CALN1: variants seen among roughly 807,000 people sequenced by gnomAD.
The protein encoded by CALN1 is calcium-binding protein 8.
CALN1 carries 17 observed loss-of-function variants against 30.6 expected under a neutral mutation model. The ratio of observed to expected loss-of-function variants is 0.56; its 90% CI spans 0.38 to 0.83. CALN1 has a LOEUF of 0.83. CALN1 is among the 40% of genes least tolerant of loss of function. The pLI is 0.00. For synonymous variants in CALN1, 156 were observed against 131.4 expected (o/e 1.19, Z -1.28); for missense variants, 291 against 354.9 (o/e 0.82, Z 1.45).
rs150857375 is a variant in CALN1, at chr7:72,338,396, A to G, written c.120-59586T>C. On this transcript the variant is annotated intron_variant, in intron 2 of 6. Transcript: ENST00000395275. ...GCTGCTCTAAGCCTCTCATGCAAACAACTCAGCAATCACCTCTCCACTGTT... is the reference window on the plus strand; with the variant it reads ...GCTGCTCTAAGCCTCTCATGCAAACGACTCAGCAATCACCTCTCCACTGTT... Among the ~76,000 whole-genome samples the G allele has an allele frequency of 2.0e-3, 307 of 152,042 alleles. 1 individual carries two copies. The highest frequency in any genetic ancestry group is 6.6e-3 in the African/African-American group (273 of 41,464).
At chr7:71,921,126 C>T (rs1794923701) in intron 5 of CALN1, among the ~76,000 whole-genome samples, 1 of 152,168 alleles carries the variant, frequency 6.6e-6, no homozygotes, top group African/African-American at 2.4e-5. Context: ...ACACCACATA[C>T]TCTCACTCAT....
intron 2 of CALN1, among the ~76,000 whole-genome samples, chr7:72,399,608 T>C (rs888054213): frequency 1.3e-5 from 2 of 152,148 alleles, no homozygotes; most frequent in Admixed American, 6.5e-5. Flanking sequence ...AGTTCACTAA[T>C]TTGAGTCTTG....
chr7:72,430,779 C>G (rs1033678913), intron 1 of CALN1, among the ~76,000 whole-genome samples: 2 of 152,098 alleles, frequency 1.3e-5, no homozygotes, highest in Admixed American at 6.6e-5. Flanking sequence ...CACCTGTTCC[C>G]TGTTCCTAAG....
At chr7:72,121,641 C>T (rs868465513) in intron 3 of CALN1, among the ~76,000 whole-genome samples, 18 of 148,582 alleles carry the variant, frequency 1.2e-4, no homozygotes, top group African/African-American at 3.7e-4. Context: ...TCTTGTGATT[C>T]GCTTAGGATT....
intron 5 of CALN1, among the ~76,000 whole-genome samples, chr7:71,927,719 A>T (rs889931353): frequency 2.6e-5 from 4 of 152,040 alleles, no homozygotes; most frequent in Non-Finnish European, 5.9e-5. Context: ...TGTATAGGAG[A>T]AGACAGGTCT....
chr7:71,944,510 C>T (rs1228508418), intron 5 of CALN1, among the ~76,000 whole-genome samples: 1 of 137,292 alleles, frequency 7.3e-6, no homozygotes, highest in Non-Finnish European at 1.5e-5. Context: ...AGGAGAATCG[C>T]TTGAACCTGG....
chr7:72,056,095 TAAAAG>T (rs1287799856), intron 4 of CALN1, among the ~76,000 whole-genome samples: 2 of 152,144 alleles, frequency 1.3e-5, no homozygotes, highest in Non-Finnish European at 2.9e-5. Flanking sequence ...TTAAAGCCTT[TAAAAG>T]AAAACATAAA....
intron 3 of CALN1, among the ~76,000 whole-genome samples, chr7:72,231,788 C>T (rs907168744): frequency 6.6e-6 from 1 of 152,140 alleles, no homozygotes; most frequent in African/African-American, 2.4e-5. Flanking sequence ...GCTGATAACC[C>T]CACCCTTACT....
At chr7:71,806,273 C>CAAACACACACATGCACACACACAA (rs1554341707) in intron 6 of CALN1, among the ~76,000 whole-genome samples, 6,279 of 149,834 alleles carry the variant, frequency 0.042, 410 homozygotes, top group African/African-American at 0.14. Context: ...CACACACAAA[C>CAAACACACACATGCACACACACAA]ACACACACAC....
At position 71,935,637 on chromosome 7, in the gene CALN1, C is replaced by T. The variant is rs528484682; in HGVS notation, c.501+88020G>A. Among the ~76,000 whole-genome samples the T allele has an allele frequency of 3.9e-5, 6 of 152,306 alleles. No homozygotes were observed. In the South Asian group the frequency reaches 1.0e-3, roughly 26 times the overall value. On this transcript the variant is annotated intron_variant, in intron 5 of 6. Coordinates refer to ENST00000395275, the MANE Select transcript of CALN1 (RefSeq NM_031468.4). ...ATTCTGGAGGCTGAGGAAGGAGAAT[C>T]GCTTGAACCCGGGAGGAGAAGTTGC...
chr7:71,975,541 C>T (rs1398904351), intron 5 of CALN1, among the ~76,000 whole-genome samples: 1 of 152,128 alleles, frequency 6.6e-6, no homozygotes, highest in Non-Finnish European at 1.5e-5. Context: ...ATCCTCCTGC[C>T]TCAGCCTCCA....
chr7:72,227,591 T>C (rs1399048354), intron 3 of CALN1, among the ~76,000 whole-genome samples: 1 of 151,036 alleles, frequency 6.6e-6, no homozygotes, highest in African/African-American at 2.4e-5. Context: ...CAATAGACAT[T>C]GGGTTGTGGG....
Position 71,857,024 on chromosome 7 carries a change from G to GTGTGTGTGTA in CALN1, c.502-46533_502-46532insTACACACACA, listed in dbSNP as rs1554357112. 1.8e-3 allele frequency among the ~76,000 whole-genome samples: 161 copies of GTGTGTGTGTA among 91,726 alleles called. 1 individual carries two copies. The highest frequency in any genetic ancestry group is 7.3e-3 in the African/African-American group (153 of 21,000). The allele number at this position is 91,726 out of a possible 152,430, so 60.2% of individuals were successfully genotyped here. A position where few individuals can be genotyped will look rare whatever the true frequency, so the allele number is the denominator to read the frequency against. On this transcript the variant is annotated intron_variant, in intron 5 of 6. Coordinates refer to ENST00000395275, the MANE Select transcript of CALN1 (RefSeq NM_031468.4). ...TCATGGTGTGTATATGTATGTGTGT[G>GTGTGTGTGTA]TGTGTGTGTGTGTGTGTGTGTGTGT...
At chr7:72,025,371 T>C (rs1392001932) in intron 4 of CALN1, among the ~76,000 whole-genome samples, 2 of 152,188 alleles carry the variant, frequency 1.3e-5, no homozygotes, top group Non-Finnish European at 2.9e-5. Context: ...GTCACTGATT[T>C]GCATGCCTAT....
intron 5 of CALN1, among the ~76,000 whole-genome samples, chr7:71,966,026 A>C (rs1797513600): frequency 6.7e-6 from 1 of 148,858 alleles, no homozygotes; most frequent in African/African-American, 2.4e-5. Flanking sequence ...TTCAATCTAC[A>C]CAATACTCAA....
intron 3 of CALN1, among the ~76,000 whole-genome samples, chr7:72,227,204 C>A (rs1308241471): frequency 3.3e-5 from 5 of 149,330 alleles, no homozygotes; most frequent in Non-Finnish European, 5.9e-5. Context: ...AACAAATCTG[C>A]ACAGTACCCT....
chr7:72,127,036 T>TA (rs899333888), intron 3 of CALN1, among the ~76,000 whole-genome samples: 1 of 151,780 alleles, frequency 6.6e-6, no homozygotes, highest in Non-Finnish European at 1.5e-5. Flanking sequence ...CCTCCAAGGG[T>TA]AAAAACCCAA....
intron 1 of CALN1, among the ~76,000 whole-genome samples, chr7:72,443,610 TG>T (rs755741847): frequency 6.6e-6 from 1 of 152,028 alleles, no homozygotes; most frequent in Non-Finnish European, 1.5e-5. Context: ...GGACTCAGTT[TG>T]GGGATCATCT....
In CALN1 at chr7:71,781,028, C is replaced by T. The variant is rs1792686619; in HGVS notation, c.*6747G>A. The T allele has an allele frequency of 6.6e-6, 1 of 152,156 alleles. No homozygotes were observed. The highest frequency in any genetic ancestry group is 2.1e-4 in the South Asian group (1 of 4,834). 9.4% of individuals were successfully genotyped at this position (152,156 alleles called of 1,614,324 possible). ...TTGTTTCATTTACAGACAGCGGACA[C>T]CAAAAGAGAGACTTTATCACAACTG... On this transcript the variant is annotated 3_prime_UTR_variant, in exon 7 of 7. Coordinates refer to ENST00000395275, the MANE Select transcript of CALN1 (RefSeq NM_031468.4).
Sources: allele counts gnomAD v4.1 joint callset (sites outside exome capture counted in the v4.1 genomes callset), GRCh38; gene constraint gnomAD v4.1.1; transcripts MANE v1.5; gene names NCBI Gene and HGNC (gene_info 2026-07-23, HGNC 2026-07-21).